The following MACROD2 variants were observed in gnomAD, a reference collection of about 807,000 sequenced individuals.
MACROD2 encodes mono-ADP ribosylhydrolase 2.
Under a neutral mutation model 70.4 loss-of-function variants are expected in MACROD2, and 36 were observed. The observed-to-expected ratio is 0.51, with a 90% confidence interval of 0.39 to 0.68. The LOEUF (loss-of-function observed/expected upper bound fraction) is 0.68. Ranked by LOEUF, MACROD2 falls within the 30% of genes least tolerant of loss-of-function variation. MACROD2 has a pLI of 0.00. For synonymous variants in MACROD2, 172 were observed against 178.8 expected (o/e 0.96, Z 0.30); for missense variants, 496 against 538.4 (o/e 0.92, Z 0.78).
intron 12 of MACROD2, among the ~76,000 whole-genome samples, chr20:15,945,699 A>G (rs1369095959): frequency 6.6e-6 from 1 of 152,166 alleles, no homozygotes; most frequent in Non-Finnish European, 1.5e-5. Context: ...TATTACTTTT[A>G]AAAAGTCATC....
intron 3 of MACROD2, among the ~76,000 whole-genome samples, chr20:14,206,656 CTTTTT>C (rs566729087): frequency 7.7e-6 from 1 of 130,356 alleles, no homozygotes; most frequent in Non-Finnish European, 1.6e-5. Context: ...TCCCATGAGG[CTTTTT>C]TTTTTTTTTA....
chr20:15,317,361 A>G (rs2077822281), intron 6 of MACROD2, among the ~76,000 whole-genome samples: 1 of 152,076 alleles, frequency 6.6e-6, no homozygotes, highest in African/African-American at 2.4e-5. Context: ...GAACAGAGAT[A>G]AAATTGACAA....
At chr20:15,149,359 C>T (rs957921245) in intron 5 of MACROD2, among the ~76,000 whole-genome samples, 30 of 152,048 alleles carry the variant, frequency 2.0e-4, no homozygotes, top group Admixed American at 6.5e-4. Context: ...GGTGGAGCTG[C>T]CATCAGTAAA....
intron 4 of MACROD2, among the ~76,000 whole-genome samples, chr20:14,596,412 C>CATATATATATATATATATAT (rs5840627): frequency 3.1e-4 from 44 of 143,036 alleles, no homozygotes; most frequent in African/African-American, 1.1e-3. Flanking sequence ...ATTTTTTAAA[C>CATATATATATATATATATAT]ATATATATAT....
chr20:14,940,334 A>AAAAAC (rs1199513612), intron 5 of MACROD2, among the ~76,000 whole-genome samples: 1 of 152,060 alleles, frequency 6.6e-6, no homozygotes, highest in Non-Finnish European at 1.5e-5. Context: ...ACCCTGTCTC[A>AAAAAC]AAAACAAAAC....
intron 5 of MACROD2, chr20:14,758,051 C>A (rs1329144480): frequency 1.6e-6 from 1 of 611,254 alleles, no homozygotes; most frequent in Middle Eastern, 4.6e-4. Context: ...TCGGCCACCT[C>A]AATAAATTTG....
At chr20:15,300,434 G>T (rs2077631303) in intron 6 of MACROD2, among the ~76,000 whole-genome samples, 1 of 152,146 alleles carries the variant, frequency 6.6e-6, no homozygotes, top group Non-Finnish European at 1.5e-5. Context: ...CCAAAGTGCA[G>T]GGAAATTTGG....
At chr20:15,518,775 G>A (rs1568863166) in intron 8 of MACROD2, among the ~76,000 whole-genome samples, 1 of 152,182 alleles carries the variant, frequency 6.6e-6, no homozygotes, top group South Asian at 2.1e-4. Context: ...GAGGCAGGAG[G>A]ATTGCTTGAG....
At chr20:14,861,739 C>T (rs1405851040) in intron 5 of MACROD2, among the ~76,000 whole-genome samples, 11 of 150,872 alleles carry the variant, frequency 7.3e-5, no homozygotes, top group Non-Finnish European at 1.5e-4. Flanking sequence ...TCACTCATGC[C>T]ATCTTGGCAT....
chr20:14,872,212 A>T (rs895600370), intron 5 of MACROD2, among the ~76,000 whole-genome samples: 1 of 152,120 alleles, frequency 6.6e-6, no homozygotes, highest in Non-Finnish European at 1.5e-5. Flanking sequence ...TTTTCAACTC[A>T]TGGTTTCTGC....
At chr20:14,085,836 A>G in intron 3 of MACROD2, 108 bp downstream of exon 3, 1 of 577,572 alleles carries the variant, frequency 1.7e-6, no homozygotes. Flanking sequence ...TTTGACGTAG[A>G]AATGTCTATT....
chr20:16,046,123 A>G (rs1187848092), intron 17 of MACROD2, among the ~76,000 whole-genome samples: 2 of 152,124 alleles, frequency 1.3e-5, no homozygotes, highest in African/African-American at 4.8e-5. Flanking sequence ...GGTTCTCTAC[A>G]CTTTCCTAAG....
chr20:14,806,861 A>G (rs1459021374), intron 5 of MACROD2, among the ~76,000 whole-genome samples: 4 of 152,094 alleles, frequency 2.6e-5, no homozygotes, highest in Non-Finnish European at 2.9e-5. Flanking sequence ...GCAGCACTGC[A>G]TAGCTGCTGT....
chr20:15,080,893 T>G (rs1227195511), intron 5 of MACROD2, among the ~76,000 whole-genome samples: 1 of 152,152 alleles, frequency 6.6e-6, no homozygotes, highest in African/African-American at 2.4e-5. Context: ...TATCTCTTCT[T>G]TCTCGCCTTT....
At chr20:14,144,669 A>G (rs2054922676) in intron 3 of MACROD2, among the ~76,000 whole-genome samples, 1 of 152,228 alleles carries the variant, frequency 6.6e-6, no homozygotes, top group Non-Finnish European at 1.5e-5. Flanking sequence ...ATTCTTAAGC[A>G]GTCATTTTTT....
intron 8 of MACROD2, among the ~76,000 whole-genome samples, chr20:15,667,251 G>A (rs188383737): frequency 4.6e-4 from 70 of 152,152 alleles, no homozygotes; most frequent in Admixed American, 9.2e-4. Context: ...TTTCTCTCTT[G>A]CTTGCTCCTG....
intron 4 of MACROD2, among the ~76,000 whole-genome samples, chr20:14,606,146 A>T (rs1321955443): frequency 6.6e-6 from 1 of 152,184 alleles, no homozygotes; most frequent in Non-Finnish European, 1.5e-5. Context: ...TTTGAAAAAA[A>T]TGAATTTAAC....
At chr20:14,124,996 T>C (rs1159937925) in intron 3 of MACROD2, among the ~76,000 whole-genome samples, 1 of 152,098 alleles carries the variant, frequency 6.6e-6, no homozygotes, top group Non-Finnish European at 1.5e-5. Context: ...TACTAAGATA[T>C]GCTACAATGT....
At chr20:14,572,352 A>G (rs552917868) in intron 4 of MACROD2, among the ~76,000 whole-genome samples, 33 of 152,224 alleles carry the variant, frequency 2.2e-4, no homozygotes, top group Admixed American at 1.9e-3. Flanking sequence ...TAGTGTAACC[A>G]CTTTGGAAAA....
Sources: allele counts gnomAD v4.1 joint callset (sites outside exome capture counted in the v4.1 genomes callset), GRCh38; gene constraint gnomAD v4.1.1; transcripts MANE v1.5; gene names NCBI Gene and HGNC (gene_info 2026-07-23, HGNC 2026-07-21).